The following RO60 variants were observed in gnomAD, a reference collection of about 807,000 sequenced individuals.
RO60 encodes RNA-binding protein RO60.
Under a neutral mutation model 55.3 loss-of-function variants are expected in RO60, and 20 were observed. The observed-to-expected ratio is 0.36, with a 90% CI of 0.25 to 0.53. RO60 has a LOEUF of 0.53. Ranked by LOEUF, RO60 falls within the 20% of genes least tolerant of loss-of-function variation. The pLI is 0.92. For synonymous variants in RO60, 213 were observed against 213.6 expected, an observed-to-expected ratio of 1.00 and a Z score of 0.02; for missense variants, 558 against 646.6, an observed-to-expected ratio of 0.86 and a Z score of 1.49.
chr1:193,061,244 T>G (rs1164685106), intron 1 of RO60, among the ~76,000 whole-genome samples: 1 of 152,224 alleles, frequency 6.6e-6, no homozygotes, highest in East Asian at 1.9e-4. Context: ...AGTTCCTTCC[T>G]CATCAGTTTT....
rs771505068 is a variant in RO60 at position 193,084,758 on chromosome 1, TC to T, written c.*29del. 16 of 1,597,234 alleles carry T rather than the reference TC, an allele frequency of 1.0e-5. No homozygotes were observed. In the Admixed American group the frequency reaches 1.6e-4, roughly 16 times the overall value. ...CATAAGCAGCAGCACGATCCAGAGATCCATTGCCATCAGTGATCTCACTAAA... is the reference window on the plus strand; with the variant it reads ...CATAAGCAGCAGCACGATCCAGAGATCATTGCCATCAGTGATCTCACTAAA... On this transcript the variant is annotated 3_prime_UTR_variant, in exon 9 of 9. Coordinates refer to ENST00000400968, the MANE Select transcript of RO60 (RefSeq NM_001173524.2).
intron 2 of RO60, among the ~76,000 whole-genome samples, chr1:193,072,607 CATT>C (rs1277493341): frequency 3.9e-5 from 6 of 152,008 alleles, no homozygotes; most frequent in African/African-American, 1.4e-4. Context: ...GGTTAAGAAA[CATT>C]ATTTTTTACA....
downstream of RO60, chr1:193,091,572 GAATAT>G (rs1674859834): frequency 8.6e-7 from 1 of 1,166,080 alleles, no homozygotes; most frequent in Non-Finnish European, 1.3e-6. Flanking sequence ...GAGAATGAAT[GAATAT>G]ATTAATGTAT....
chr1:193,067,296 C>T (rs1312931978), intron 1 of RO60, among the ~76,000 whole-genome samples: 1 of 151,294 alleles, frequency 6.6e-6, no homozygotes, highest in Non-Finnish European at 1.5e-5. Context: ...CGCCATTCTC[C>T]TGCCTCAGCC....
chr1:193,069,813 G>A (rs914869190), intron 2 of RO60, among the ~76,000 whole-genome samples, 179 bp downstream of exon 2: 13 of 152,072 alleles, frequency 8.5e-5, no homozygotes, highest in African/African-American at 2.2e-4. Context: ...TACCACAGGC[G>A]ATCCAGACAT....
chr1:193,085,254 G>A lies in RO60; in HGVS notation c.*523G>A. ...TAAGGCATTTGATTAAATTATGAATGAGTTTTACAAATTCCTTTCAGAGTT... is the reference window on the plus strand; with the variant it reads ...TAAGGCATTTGATTAAATTATGAATAAGTTTTACAAATTCCTTTCAGAGTT... On this transcript the variant is annotated 3_prime_UTR_variant, in exon 9 of 9. Coordinates refer to ENST00000400968, the MANE Select transcript of RO60 (RefSeq NM_001173524.2). The A allele has an allele frequency of 8.8e-7, 1 of 1,133,518 alleles. No individual in the cohort carries two copies. The highest frequency in any genetic ancestry group is 1.1e-6 in the Non-Finnish European group (1 of 923,300). The allele number at this position is 1,133,518 out of a possible 1,614,324, so 70.2% of individuals were successfully genotyped here.
chr1:193,080,329 G>A (rs1019130362), intron 5 of RO60, among the ~76,000 whole-genome samples: 3 of 152,242 alleles, frequency 2.0e-5, no homozygotes, highest in East Asian at 1.9e-4. Context: ...TGGTAAAATG[G>A]TGTAGCCCCT....
intron 2 of RO60, among the ~76,000 whole-genome samples, chr1:193,070,007 G>C (rs1673372618): frequency 6.6e-6 from 1 of 152,150 alleles, no homozygotes; most frequent in African/African-American, 2.4e-5. Context: ...TTGAGTTCCA[G>C]CTTTGCCAGT....
chr1:193,082,835 G>A, intron 8 of RO60, 127 bp downstream of exon 8: 1 of 725,322 alleles, frequency 1.4e-6, no homozygotes, highest in African/African-American at 1.9e-5. Flanking sequence ...CTCAGTCATA[G>A]CTCACTGCAA....
At chr1:193,070,870 CATTTT>C (rs1268144489) in intron 2 of RO60, among the ~76,000 whole-genome samples, 1 of 151,996 alleles carries the variant, frequency 6.6e-6, no homozygotes, top group Non-Finnish European at 1.5e-5. Flanking sequence ...TATGTATAAA[CATTTT>C]ATTTTGATTT....
At chr1:193,081,252 C>T (rs1674291501) in intron 5 of RO60, 112 bp from the exon 6 acceptor site, 1 of 528,384 alleles carries the variant, frequency 1.9e-6, no homozygotes, top group African/African-American at 1.9e-5. Context: ...TATCAAAAAT[C>T]TGAAGGCCTT....
rs1672906667 is a variant in RO60, at chr1:193,063,332, C to T, written c.-22+3556C>T. Among the ~76,000 whole-genome samples, 3 of 152,102 alleles carry T rather than the reference C, an allele frequency of 2.0e-5. No homozygotes were observed. The South Asian group carries it at 6.2e-4, about 31-fold the overall frequency. On this transcript the variant is annotated intron_variant, in intron 1 of 8. Coordinates refer to ENST00000400968, the MANE Select transcript of RO60 (RefSeq NM_001173524.2). ...CATTTGATAATCTTCTTTGGAAAAA[C>T]ACCTTTTCAGATTCTTTACCCATTT...
In RO60 at chr1:193,086,000, AATTTT is replaced by A; in HGVS notation, c.*1273_*1277del. 1.0e-6 allele frequency: 1 copy of A among 985,332 alleles called. No individual in the cohort carries two copies. Among genetic ancestry groups the A allele is most frequent in the Non-Finnish European group, 1.2e-6 (1 of 829,868 alleles). 61.0% of individuals were successfully genotyped at this position (985,332 alleles called of 1,614,324 possible). A position where few individuals can be genotyped will look rare whatever the true frequency, so the allele number is the denominator to read the frequency against. On this transcript the variant is annotated 3_prime_UTR_variant, in exon 9 of 9. Transcript: ENST00000400968. ...TTGAAATGCCATTATCTTTGCTCAT[AATTTT>A]ATTATGGCCGTCTAAGGTAGCTTAC...
chr1:193,060,951 A>G (rs531196537), intron 1 of RO60, among the ~76,000 whole-genome samples: 1 of 152,316 alleles, frequency 6.6e-6, no homozygotes, highest in South Asian at 2.1e-4. Context: ...TTTTCTGTGC[A>G]AAATACATCA....
At position 193,090,750 on chromosome 1, in the gene RO60, A is replaced by G. The variant is rs1674824890; in HGVS notation, c.*6019A>G. ...TTAAAGTGAAAAAATGAACCTTTTG[A>G]CTGCCTTAAAATACTACTTGCTCTG... On this transcript the variant is annotated 3_prime_UTR_variant, in exon 9 of 9. Transcript: ENST00000400968. The G allele has an allele frequency of 6.6e-6, 1 of 152,104 alleles. No individual in the cohort carries two copies. Among genetic ancestry groups the G allele is most frequent in the Admixed American group, 6.5e-5 (1 of 15,278 alleles). 9.4% of individuals were successfully genotyped at this position (152,104 alleles called of 1,614,324 possible).
intron 2 of RO60, among the ~76,000 whole-genome samples, chr1:193,071,895 A>G (rs990642549): frequency 6.7e-6 from 1 of 150,204 alleles, no homozygotes; most frequent in African/African-American, 2.4e-5. Flanking sequence ...ATGTGTGTGT[A>G]TATATGTATA....
chr1:193,074,274 A>G (rs906094543), intron 2 of RO60, among the ~76,000 whole-genome samples: 1 of 152,174 alleles, frequency 6.6e-6, no homozygotes, highest in African/African-American at 2.4e-5. Flanking sequence ...GCTTGGTCAA[A>G]TGGTATTTCT....
rs780344321 is a variant in RO60 at position 193,075,861 on chromosome 1, G to A, written c.622G>A (p.Glu208Lys). The A allele has an allele frequency of 6.2e-7, 1 of 1,611,740 alleles. No homozygotes were observed. Among genetic ancestry groups the A allele is most frequent in the South Asian group, 1.1e-5 (1 of 90,590 alleles). ...CAAATATATTACAAAGGGCTGGAAA[G>A]AAGTTCATGAATTGTATAAAGAAAA... is the stretch of plus-strand genomic sequence containing the variant. ...VTKYITKGWKEVHELYKEKAL... is the reference protein window; with the variant it reads ...VTKYITKGWKKVHELYKEKAL... The change falls in exon 3 of 9, where the codon GAA becomes AAA. Residue 208 changes from glutamate (E) to lysine (K), a missense_variant. Glu to Lys is a moderately conservative substitution (Grantham distance 56). Coordinates refer to ENST00000400968, the MANE Select transcript of RO60 (RefSeq NM_001173524.2).
At chr1:193,069,001 T>G in intron 1 of RO60, 33 bp from the exon 2 acceptor site, 1 of 1,413,118 alleles carries the variant, frequency 7.1e-7, no homozygotes, top group Non-Finnish European at 9.8e-7. Flanking sequence ...ATTGTGCCCA[T>G]CTAGTTGTAA....
Sources: allele counts gnomAD v4.1 joint callset (sites outside exome capture counted in the v4.1 genomes callset), GRCh38; gene constraint gnomAD v4.1.1; transcripts MANE v1.5; gene names NCBI Gene and HGNC (gene_info 2026-07-23, HGNC 2026-07-21).